GRIK2: variants seen among roughly 807,000 people sequenced by gnomAD.
GRIK2 encodes glutamate receptor ionotropic, kainate 2.
A neutral mutation model predicts 100.3 loss-of-function variants in GRIK2; 32 were observed. That is an observed-to-expected ratio of 0.32 (90% confidence interval 0.24 to 0.43). GRIK2 has a LOEUF of 0.43. Ranked by LOEUF, GRIK2 falls within the 20% of genes least tolerant of loss-of-function variation. GRIK2 has a pLI of 1.00. For synonymous variants in GRIK2, 417 were observed against 389.4 expected (o/e 1.07, Z -0.83); for missense variants, 843 against 1,114.9 (o/e 0.76, Z 3.47).
At chr6:101,459,948 G>C (rs544096502) in intron 2 of GRIK2, among the ~76,000 whole-genome samples, 1 of 151,968 alleles carries the variant, frequency 6.6e-6, no homozygotes, top group Non-Finnish European at 1.5e-5. Flanking sequence ...GTAGAGACAG[G>C]GTTTCACCAC....
chr6:102,055,611 A>G (rs1220472793), intron 16 of GRIK2, 31 bp downstream of exon 16: 1 of 1,538,952 alleles, frequency 6.5e-7, no homozygotes, highest in South Asian at 1.1e-5. Context: ...TTTAAATTTA[A>G]AACAATTTTT....
intron 4 of GRIK2, among the ~76,000 whole-genome samples, chr6:101,664,985 G>C (rs568192184): frequency 6.6e-6 from 1 of 152,248 alleles, no homozygotes; most frequent in Non-Finnish European, 1.5e-5. Flanking sequence ...TGGGCCCCTC[G>C]CATGGCATGT....
At chr6:101,569,777 G>A (rs989910004) in intron 2 of GRIK2, among the ~76,000 whole-genome samples, 3 of 151,872 alleles carry the variant, frequency 2.0e-5, no homozygotes, top group Non-Finnish European at 2.9e-5. Flanking sequence ...AAATCCTTTC[G>A]GAAGGAATGA....
chr6:101,592,677 CTG>C (rs1367821092), intron 2 of GRIK2, among the ~76,000 whole-genome samples: 6 of 143,528 alleles, frequency 4.2e-5, no homozygotes, highest in African/African-American at 1.6e-4. Flanking sequence ...GCAGGAAGGA[CTG>C]GGCTTTGCAG....
chr6:101,671,873 CA>C (rs1391468724), intron 4 of GRIK2, among the ~76,000 whole-genome samples: 1 of 152,048 alleles, frequency 6.6e-6, no homozygotes, highest in Non-Finnish European at 1.5e-5. Context: ...AAAACAACAA[CA>C]AAAACTACTT....
At chr6:101,945,910 G>GTTTTT (rs66532199) in intron 14 of GRIK2, among the ~76,000 whole-genome samples, 1 of 131,432 alleles carries the variant, frequency 7.6e-6, no homozygotes, top group Non-Finnish European at 1.7e-5. Flanking sequence ...TCTATCTACT[G>GTTTTT]TTTTTTTTTT....
At chr6:101,660,820 A>G (rs2128333717) in intron 4 of GRIK2, among the ~76,000 whole-genome samples, 1 of 152,198 alleles carries the variant, frequency 6.6e-6, no homozygotes, top group East Asian at 1.9e-4. Context: ...AGAACAGTAA[A>G]GATTGCTGCC....
intron 2 of GRIK2, among the ~76,000 whole-genome samples, chr6:101,545,923 T>A (rs1776207211): frequency 1.4e-5 from 2 of 147,116 alleles, no homozygotes; most frequent in Non-Finnish European, 3.0e-5. Context: ...CTTGCTTATC[T>A]GTGCTGCCAT....
At chr6:101,593,054 G>A (rs1458963471) in intron 2 of GRIK2, among the ~76,000 whole-genome samples, 1 of 151,882 alleles carries the variant, frequency 6.6e-6, no homozygotes, top group Non-Finnish European at 1.5e-5. Context: ...TGGAGATAAG[G>A]CTGAGATATT....
intron 4 of GRIK2, among the ~76,000 whole-genome samples, chr6:101,628,919 G>A (rs1780582936): frequency 6.6e-6 from 1 of 152,032 alleles, no homozygotes. Context: ...AATCCTACGT[G>A]TATGCACATG....
chr6:101,823,956 C>T (rs1177461325), intron 10 of GRIK2, among the ~76,000 whole-genome samples: 3 of 151,674 alleles, frequency 2.0e-5, no homozygotes. Context: ...CAACCTCCGC[C>T]TCCCATGTTC....
rs555217535 is a variant in GRIK2 at position 101,514,514 on chromosome 6, A to C, written c.116-107435A>C. ...GAACTCATTTAATGTTAAACTTATA[A>C]TTTCTCTAATATAGTTTTCCTTTTA... On this transcript the variant is annotated intron_variant, in intron 2 of 16. Transcript: ENST00000369134. 1.2e-4 allele frequency among the ~76,000 whole-genome samples: 19 copies of C among 152,254 alleles called. No individual in the cohort carries two copies. In the East Asian group the frequency reaches 2.1e-3, roughly 17 times the overall value.
Position 101,629,625 on chromosome 6 carries a change from G to A in GRIK2, c.541+2988G>A, listed in dbSNP as rs182834128. On this transcript the variant is annotated intron_variant, in intron 4 of 16. Transcript: ENST00000369134. ...TTATTTAATATGATAGAACTGACTC[G>A]AAGGCAGAAAAGTCCCTTTGAAATG... Among the ~76,000 whole-genome samples the A allele has an allele frequency of 3.9e-5, 6 of 152,156 alleles. No individual in the cohort carries two copies. The South Asian group carries it at 6.2e-4, about 16-fold the overall frequency.
At chr6:101,739,110 G>C (rs1775863022) in intron 7 of GRIK2, among the ~76,000 whole-genome samples, 1 of 152,106 alleles carries the variant, frequency 6.6e-6, no homozygotes, top group African/African-American at 2.4e-5. Context: ...ATTATTTCTG[G>C]TTCTTGACTA....
At chr6:102,039,382 G>C (rs1477782107) in intron 15 of GRIK2, among the ~76,000 whole-genome samples, 1 of 151,478 alleles carries the variant, frequency 6.6e-6, no homozygotes, top group Non-Finnish European at 1.5e-5. Context: ...TTACTGTGTG[G>C]TAGATTTTTG....
chr6:101,587,114 A>T (rs1339353101), intron 2 of GRIK2, among the ~76,000 whole-genome samples: 1 of 152,022 alleles, frequency 6.6e-6, no homozygotes, highest in Non-Finnish European at 1.5e-5. Context: ...TGTAAATAAA[A>T]ATAGGGTTTT....
Position 101,818,356 on chromosome 6 carries a change from A to T in GRIK2, c.1204-14A>T. On this transcript the variant is annotated splice_polypyrimidine_tract_variant and intron_variant, in intron 9 of 16. Coordinates refer to ENST00000369134, the MANE Select transcript of GRIK2 (RefSeq NM_021956.5). Reference sequence around the variant, plus strand: ...CTGATGGACAATTTACAAAGTACATATGCTATTTTATAGATTGGAACGTGG... The same window carrying T: ...CTGATGGACAATTTACAAAGTACATTTGCTATTTTATAGATTGGAACGTGG... The T allele has an allele frequency of 7.0e-7, 1 of 1,429,274 alleles. No homozygotes were observed. Among genetic ancestry groups the T allele is most frequent in the Non-Finnish European group, 9.9e-7 (1 of 1,012,434 alleles). 88.5% of individuals were successfully genotyped at this position (1,429,274 alleles called of 1,614,324 possible). A position where few individuals can be genotyped will look rare whatever the true frequency, so the allele number is the denominator to read the frequency against.
chr6:102,064,668 GAC>G (rs1771928921), intron 16 of GRIK2, among the ~76,000 whole-genome samples: 1 of 151,046 alleles, frequency 6.6e-6, no homozygotes, highest in African/African-American at 2.4e-5. Flanking sequence ...TTAAAAGTTA[GAC>G]ACAGTAAATT....
intron 2 of GRIK2, among the ~76,000 whole-genome samples, chr6:101,576,222 C>G (rs1758230053): frequency 6.6e-6 from 1 of 152,138 alleles, no homozygotes; most frequent in African/African-American, 2.4e-5. Flanking sequence ...TAAGCACTTT[C>G]AATATCAGCA....
Sources: allele counts gnomAD v4.1 joint callset (sites outside exome capture counted in the v4.1 genomes callset), GRCh38; gene constraint gnomAD v4.1.1; transcripts MANE v1.5; gene names NCBI Gene and HGNC (gene_info 2026-07-23, HGNC 2026-07-21).